Variants in TRPM5 observed in about 807,000 individuals in gnomAD.
The protein encoded by TRPM5 is MLSN1 and TRP-related.
A neutral mutation model predicts 124.9 loss-of-function variants in TRPM5; 121 were observed. The ratio of observed to expected loss-of-function variants is 0.97; its 90% CI spans 0.84 to 1.13. The LOEUF is 1.13. Ranked by LOEUF, TRPM5 falls within the 50% of genes most tolerant of loss-of-function variation. TRPM5 has a pLI of 0.00. For missense variants in TRPM5, 1,643 were observed against 1,589.1 expected, an observed-to-expected ratio of 1.03 and a Z score of -0.58; for synonymous variants, 781 against 700.5, an observed-to-expected ratio of 1.11 and a Z score of -1.81.
chr11:2,404,904 A>G (rs1236666932), exon 24 of TRPM5: 1 of 1,562,124 alleles, frequency 6.4e-7, no homozygotes, highest in Non-Finnish European at 8.8e-7. Context: ...CCAGCTGAGG[A>G]GAGGTGGCCC....
At chr11:2,412,052 C>A in intron 16 of TRPM5, 83 bp downstream of exon 21, 1 of 1,245,216 alleles carries the variant, frequency 8.0e-7, no homozygotes, top group Non-Finnish European at 1.2e-6. Context: ...CAAGTGCCAC[C>A]GCCACACCCA....
chr11:2,405,697 T>G lies in TRPM5; in HGVS notation c.3325-104A>C, dbSNP rs79072202. 8.6e-3 allele frequency: 10,806 copies of G among 1,263,466 alleles called. 683 individuals carry two copies. The African/African-American group carries it at 0.14, about 16-fold the overall frequency. 78.3% of individuals were successfully genotyped at this position (1,263,466 alleles called of 1,614,324 possible). ...TCTCCTGCCAGGGCCCCCGCTGCCC[T>G]GTGACTCCTCCCTCTGAGAGCTGCC... On this transcript the variant is annotated intron_variant, in intron 22 of 23. Coordinates refer to ENST00000155858, the Ensembl canonical transcript of TRPM5.
chr11:2,413,649 C>T (rs1285293440), intron 12 of TRPM5, 61 bp from the exon 18 acceptor site: 2 of 1,464,398 alleles, frequency 1.4e-6, no homozygotes, highest in Non-Finnish European at 1.9e-6. Flanking sequence ...TGCGCCCTGC[C>T]CCAGGAATGC....
At chr11:2,439,177 C>T in the TRPM5 span, among the ~76,000 whole-genome samples, 262 of 152,246 alleles carry the variant, frequency 1.7e-3, no homozygotes, top group African/African-American at 6.1e-3. Context: ...ACAAGTGACA[C>T]AAGATGGATT....
exon 22 of TRPM5, chr11:2,406,077 G>A (rs539928206): frequency 1.9e-6 from 3 of 1,612,004 alleles, no homozygotes; most frequent in South Asian, 2.2e-5. Flanking sequence ...GAGGTACTTG[G>A]CAATGAAGTC....
At chr11:2,404,722 A>T in exon 24 of TRPM5, 1 of 545,006 alleles carries the variant, frequency 1.8e-6, no homozygotes, top group Non-Finnish European at 3.3e-6. Context: ...CAGGGGAGAC[A>T]GCCCCATGAC....
exon 17 of TRPM5, chr11:2,411,719 G>A: frequency 6.2e-7 from 1 of 1,612,772 alleles, no homozygotes; most frequent in South Asian, 1.1e-5. Context: ...ACACCATGAA[G>A]TCCATGGCGA....
At chr11:2,406,944 G>A (rs750278929) in intron 20 of TRPM5, 151 bp from the exon 26 acceptor site, 116 of 1,364,426 alleles carry the variant, frequency 8.5e-5, no homozygotes, top group Admixed American at 1.6e-4. Flanking sequence ...GTGCAAGGAC[G>A]GCCAAGCTGC....
chr11:2,412,586 C>T (rs563674870), intron 15 of TRPM5, among the ~76,000 whole-genome samples, 168 bp downstream of exon 20: 3 of 152,344 alleles, frequency 2.0e-5, no homozygotes, highest in African/African-American at 7.2e-5. Flanking sequence ...GCTCAGGGCT[C>T]GGTCTTTGAC....
chr11:2,408,387 A>G (rs800343), intron 18 of TRPM5, among the ~76,000 whole-genome samples: 133,144 of 152,246 alleles, frequency 0.87, 58,825 homozygotes, highest in Non-Finnish European at 0.91. Context: ...CAGAGCCTCT[A>G]CAGCACTAAT....
At chr11:2,421,171 C>T (rs1033267162) in exon 3 of TRPM5, 12 of 1,540,732 alleles carry the variant, frequency 7.8e-6, no homozygotes, top group African/African-American at 4.1e-5. Context: ...CAGGCCCACG[C>T]GGAGGGCACT....
At chr11:2,421,763 G>A (rs1845775126) in intron 2 of TRPM5, among the ~76,000 whole-genome samples, 1 of 152,182 alleles carries the variant, frequency 6.6e-6, no homozygotes, top group Admixed American at 6.5e-5. Flanking sequence ...ATACACCCGG[G>A]TGCTCTGGTC....
the TRPM5 span, among the ~76,000 whole-genome samples, chr11:2,443,116 T>C: frequency 6.6e-6 from 1 of 152,264 alleles, no homozygotes; most frequent in Non-Finnish European, 1.5e-5. This position sits in a 1 kb window ranked among gnomAD's most constrained non-coding sequence, Gnocchi z 5.0. Flanking sequence ...TCACAGGTTC[T>C]TGAGGAATTG....
At position 2,420,070 on chromosome 11, in the gene TRPM5, GGCCCAGGT is replaced by G. The variant is rs1845747565; in HGVS notation, c.649+144_649+151del. 4.6e-5 allele frequency: 15 copies of G among 323,346 alleles called. 2 individuals are homozygous for G. Among genetic ancestry groups the G allele is most frequent in the Admixed American group, 9.7e-5 (1 of 10,274 alleles). The allele number at this position is 323,346 out of a possible 1,614,324, so 20.0% of individuals were successfully genotyped here. A position where few individuals can be genotyped will look rare whatever the true frequency, so the allele number is the denominator to read the frequency against. ...AGGCCCCCACGGCCCAGGCCCCCAC[GGCCCAGGT>G]CTCGGTGCTCAGGCATGCGGGGTGC... is the stretch of plus-strand genomic sequence containing the variant. On this transcript the variant is annotated intron_variant, in intron 4 of 23. Transcript: ENST00000155858.
rs960481926 is a variant in TRPM5 at position 2,416,067 on chromosome 11, G to T, written c.1010-43C>A. On this transcript the variant is annotated intron_variant, in intron 7 of 23. Transcript: ENST00000155858. The stretch of plus-strand genomic sequence containing the variant: ...AGGCACTGGTGAGGGTGGAGCTGAG[G>T]GCCTCACAGAGCCGGGGCACAGGGT... 2.7e-6 allele frequency: 4 copies of T among 1,467,370 alleles called. No individual in the cohort carries two copies. In the East Asian group the frequency reaches 9.3e-5, roughly 34 times the overall value. The allele number at this position is 1,467,370 out of a possible 1,614,324, so 90.9% of individuals were successfully genotyped here. A position where few individuals can be genotyped will look rare whatever the true frequency, so the allele number is the denominator to read the frequency against.
At chr11:2,409,977 C>G (rs1281918401) in intron 18 of TRPM5, among the ~76,000 whole-genome samples, 2 of 152,200 alleles carry the variant, frequency 1.3e-5, no homozygotes, top group East Asian at 3.9e-4. Context: ...AGAGATGCAG[C>G]CACTCAAGAA....
intron 4 of TRPM5, among the ~76,000 whole-genome samples, chr11:2,419,188 T>C (rs1845730974): frequency 1.3e-5 from 2 of 152,128 alleles, no homozygotes; most frequent in Non-Finnish European, 2.9e-5. Context: ...GCCTCCTGAT[T>C]GAATCTGGAG....
chr11:2,405,205 C>G (rs1220279090), intron 23 of TRPM5, among the ~76,000 whole-genome samples, 162 bp from the exon 29 acceptor site: 1 of 152,242 alleles, frequency 6.6e-6, no homozygotes, highest in African/African-American at 2.4e-5. Flanking sequence ...GACAACCAGG[C>G]CTCTGCCTGC....
At chr11:2,405,005 C>T in exon 24 of TRPM5, 1 of 1,612,816 alleles carries the variant, frequency 6.2e-7, no homozygotes, top group Non-Finnish European at 8.5e-7. Flanking sequence ...CTGTGGTCAG[C>T]AGCCACCAGC....
Sources: allele counts gnomAD v4.1 joint callset (sites outside exome capture counted in the v4.1 genomes callset), GRCh38; gene constraint gnomAD v4.1.1; non-coding constraint Gnocchi (gnomAD v3.1); transcripts MANE v1.5; gene names NCBI Gene and HGNC (gene_info 2026-07-23, HGNC 2026-07-21).